Variants in MAPK6 observed in about 807,000 individuals in gnomAD.
MAPK6 encodes the protein mitogen-activated protein kinase 6.
In MAPK6, 19 loss-of-function variants were observed where a neutral mutation model predicts 59.3. The ratio of observed to expected loss-of-function variants is 0.32; its 90% CI spans 0.22 to 0.47. MAPK6 has a LOEUF of 0.47. Ranked by LOEUF, MAPK6 falls within the 20% of genes least tolerant of loss-of-function variation. MAPK6 has a pLI of 1.00. For synonymous variants in MAPK6, 316 were observed against 290.3 expected, an observed-to-expected ratio of 1.09 and a Z score of -0.90; for missense variants, 724 against 847.9, an observed-to-expected ratio of 0.85 and a Z score of 1.81.
intron 3 of MAPK6, among the ~76,000 whole-genome samples, chr15:52,007,871 G>A (rs1259289697): frequency 4.7e-5 from 7 of 148,300 alleles, no homozygotes; most frequent in Admixed American, 4.7e-4. Flanking sequence ...TTTTGAGACG[G>A]AGTTCCACTC....
At chr15:52,043,486 C>T (rs556185924) in intron 1 of MAPK6, among the ~76,000 whole-genome samples, 79 of 151,884 alleles carry the variant, frequency 5.2e-4, no homozygotes, top group African/African-American at 1.8e-3. Context: ...TTAGTAGAGA[C>T]GGGGTTTCTC....
rs117462453 is a variant in MAPK6, at chr15:52,023,670, C to G, written c.-632+4294C>G. On this transcript the variant is annotated intron_variant, in intron 1 of 5. Coordinates refer to ENST00000261845, the MANE Select transcript of MAPK6 (RefSeq NM_002748.4). ...CTCTGTTGCCAGGCTGGAGCGCAGT[C>G]GCGCCATCTCGGCTCACTGCAACCT... 2.7e-3 allele frequency among the ~76,000 whole-genome samples: 416 copies of G among 152,334 alleles called. 2 individuals carry two copies. The highest frequency in any genetic ancestry group is 0.024 in the East Asian group (124 of 5,186).
chr15:52,021,109 T>G (rs1489004984), intron 1 of MAPK6, among the ~76,000 whole-genome samples: 1 of 152,204 alleles, frequency 6.6e-6, no homozygotes, highest in African/African-American at 2.4e-5. Context: ...AGAAGAGTGA[T>G]TTGAAGTCAG....
At chr15:52,048,709 A>G (rs1413903714) in intron 2 of MAPK6, among the ~76,000 whole-genome samples, 5 of 151,752 alleles carry the variant, frequency 3.3e-5, no homozygotes, top group Non-Finnish European at 5.9e-5. Flanking sequence ...CAGGAGGATC[A>G]CTTGAGGCCA....
At chr15:51,986,512 A>G (rs2057191692) in intron 2 of MAPK6, among the ~76,000 whole-genome samples, 1 of 152,142 alleles carries the variant, frequency 6.6e-6, no homozygotes, top group Non-Finnish European at 1.5e-5. Flanking sequence ...TGACTTTTCA[A>G]TATTTTCCAT....
At chr15:52,032,164 G>A (rs920751493) in intron 1 of MAPK6, among the ~76,000 whole-genome samples, 2 of 149,144 alleles carry the variant, frequency 1.3e-5, no homozygotes, top group African/African-American at 5.0e-5. Flanking sequence ...GTGAGCCACC[G>A]TGCCCAGCCC....
At position 52,058,630 on chromosome 15, in the gene MAPK6, C is replaced by T. The variant is rs2032077360; in HGVS notation, c.701-3C>T. 6.3e-7 allele frequency: 1 copy of T among 1,595,272 alleles called. No individual in the cohort carries two copies. Among genetic ancestry groups the T allele is most frequent in the South Asian group, 1.1e-5 (1 of 88,208 alleles). On this transcript the variant is annotated splice_polypyrimidine_tract_variant and splice_region_variant and intron_variant, in intron 3 of 5. Transcript: ENST00000261845. Reference sequence around the variant, plus strand: ...TGTTTTTTTGTTTGTTTTTTAACCTCAGGTGCACATGAACTTGAACAGATG... The same window carrying T: ...TGTTTTTTTGTTTGTTTTTTAACCTTAGGTGCACATGAACTTGAACAGATG...
intron 1 of MAPK6, among the ~76,000 whole-genome samples, chr15:52,044,601 T>G (rs2141082222): frequency 6.6e-6 from 1 of 152,270 alleles, no homozygotes; most frequent in Admixed American, 6.5e-5. Flanking sequence ...CTGGGTACTC[T>G]GCAATTAGGC....
intron 3 of MAPK6, chr15:52,011,503 G>A (rs1396482545): frequency 2.0e-5 from 3 of 152,206 alleles, no homozygotes; most frequent in Non-Finnish European, 1.5e-5. Flanking sequence ...GCTTTATTCA[G>A]GCATGAGTTA....
chr15:52,016,591 A>C (rs2030277753), upstream of MAPK6, among the ~76,000 whole-genome samples: 1 of 152,210 alleles, frequency 6.6e-6, no homozygotes, highest in Non-Finnish European at 1.5e-5. Context: ...ATTTGCCTTC[A>C]TCAGGGTAAA....
chr15:52,007,025 G>A (rs868555284), intron 3 of MAPK6, among the ~76,000 whole-genome samples: 1 of 152,182 alleles, frequency 6.6e-6, no homozygotes, highest in South Asian at 2.1e-4. Context: ...TAGCCCATAT[G>A]CAGCTTGACT....
At chr15:52,010,964 C>G (rs962918073) in intron 3 of MAPK6, 1 of 152,216 alleles carries the variant, frequency 6.6e-6, no homozygotes, top group Non-Finnish European at 1.5e-5. Context: ...TGACTGAAAA[C>G]ATTCTCTCCA....
Position 52,064,967 on chromosome 15 carries a change from A to G in MAPK6, c.2133A>G (p.Gln711=), listed in dbSNP as rs558995287. The part of the protein sequence containing the change: ...AMKSSPQIPH[Q]TYSSILKHLN ...AATCTTCCCCTCAAATTCCTCATCAAACATACAGCAGCATTCTGAAACATC... is the reference window on the plus strand; with the variant it reads ...AATCTTCCCCTCAAATTCCTCATCAGACATACAGCAGCATTCTGAAACATC... Residue 711 remains glutamine (Q), a synonymous_variant, in exon 6 of 6, where the codon CAA becomes CAG. Transcript: ENST00000261845. The G allele has an allele frequency of 3.4e-5, 54 of 1,611,142 alleles. No individual in the cohort carries two copies. In the Middle Eastern group the frequency reaches 1.1e-3, roughly 34 times the overall value.
At chr15:52,040,891 A>G (rs576363793) in intron 1 of MAPK6, among the ~76,000 whole-genome samples, 1 of 152,264 alleles carries the variant, frequency 6.6e-6, no homozygotes, top group Non-Finnish European at 1.5e-5. Flanking sequence ...AAAAGCAAAA[A>G]GCCAACTTTT....
intron 1 of MAPK6, among the ~76,000 whole-genome samples, chr15:52,043,226 A>G (rs1039156893): frequency 1.3e-5 from 2 of 152,172 alleles, no homozygotes; most frequent in African/African-American, 4.8e-5. Context: ...GGTGGGAGGG[A>G]GACATGCAGT....
In MAPK6 at chr15:52,019,327, T is replaced by G. The variant is rs373474524; in HGVS notation, c.-681T>G. Reference sequence around the variant, plus strand: ...CACAGCCGGAGACCTGAGCCGACACTGGGGGCAGTCCGCGAGCCCCGCACT... The same window carrying G: ...CACAGCCGGAGACCTGAGCCGACACGGGGGGCAGTCCGCGAGCCCCGCACT... On this transcript the variant is annotated 5_prime_UTR_variant, in exon 1 of 6. Coordinates refer to ENST00000261845, the MANE Select transcript of MAPK6 (RefSeq NM_002748.4). 4.6e-5 allele frequency: 7 copies of G among 151,782 alleles called. No homozygotes were observed. The East Asian group carries it at 1.2e-3, about 26-fold the overall frequency. The allele number at this position is 151,782 out of a possible 1,614,324, so 9.4% of individuals were successfully genotyped here.
At chr15:52,000,895 T>G (rs998725223) in intron 2 of MAPK6, among the ~76,000 whole-genome samples, 1 of 152,038 alleles carries the variant, frequency 6.6e-6, no homozygotes, top group African/African-American at 2.4e-5. Flanking sequence ...TTAGTGTACC[T>G]ATCACACTAG....
At chr15:52,043,840 C>A (rs944762830) in intron 1 of MAPK6, among the ~76,000 whole-genome samples, 1 of 139,192 alleles carries the variant, frequency 7.2e-6, no homozygotes, top group Non-Finnish European at 1.5e-5. Context: ...CTCACTGCAA[C>A]CTCTACCTCC....
chr15:52,050,356 A>G (rs566573944), intron 3 of MAPK6, among the ~76,000 whole-genome samples: 1 of 152,342 alleles, frequency 6.6e-6, no homozygotes, highest in East Asian at 1.9e-4. Flanking sequence ...GTTTAAATAT[A>G]ATTTCATATT....
Sources: allele counts gnomAD v4.1 joint callset (sites outside exome capture counted in the v4.1 genomes callset), GRCh38; gene constraint gnomAD v4.1.1; transcripts MANE v1.5; gene names NCBI Gene and HGNC (gene_info 2026-07-23, HGNC 2026-07-21).